Variants in ZNF100 observed in about 807,000 individuals in gnomAD.
The protein encoded by ZNF100 is zinc finger protein 100.
Under a neutral mutation model 15.8 loss-of-function variants are expected in ZNF100, and 12 were observed. The observed-to-expected ratio is 0.76, with a 90% CI of 0.49 to 1.23. The LOEUF (loss-of-function observed/expected upper bound fraction) is 1.23, where lower values mean the gene tolerates loss of function less well. Among genes scored for constraint, ZNF100 ranks in the 50% most tolerant of loss-of-function variants. The pLI is 0.00. For synonymous variants in ZNF100, 226 were observed against 214.8 expected, an observed-to-expected ratio of 1.05 and a Z score of -0.45; for missense variants, 670 against 635.6, an observed-to-expected ratio of 1.05 and a Z score of -0.58.
rs1286998820 is a variant in ZNF100, at chr19:21,723,796, A to G, written c.*2887T>C. On this transcript the variant is annotated 3_prime_UTR_variant, in exon 5 of 5. Transcript: ENST00000358296. The stretch of plus-strand genomic sequence containing the variant: ...TATAAAAACATCCTCACGACTTATA[A>G]AGCTTCCCTAGTACTTACCTGAACA... 6.6e-6 allele frequency: 1 copy of G among 152,172 alleles called. No homozygotes were observed. The highest frequency in any genetic ancestry group is 2.1e-4 in the South Asian group (1 of 4,828). The allele number at this position is 152,172 out of a possible 1,614,324, so 9.4% of individuals were successfully genotyped here. A position where few individuals can be genotyped will look rare whatever the true frequency, so the allele number is the denominator to read the frequency against.
chr19:21,740,572 C>T (rs116345357), intron 4 of ZNF100, among the ~76,000 whole-genome samples: 2,913 of 152,048 alleles, frequency 0.019, 93 homozygotes, highest in African/African-American at 0.064. Flanking sequence ...AGTTAATATT[C>T]GGGCCAGGTG....
chr19:21,766,084 G>A (rs1208032824), intron 1 of ZNF100, among the ~76,000 whole-genome samples: 1 of 151,966 alleles, frequency 6.6e-6, no homozygotes, highest in Non-Finnish European at 1.5e-5. Context: ...ATTTACAAGC[G>A]GATAACACAT....
At chr19:21,746,145 T>C (rs1364368455) in intron 2 of ZNF100, among the ~76,000 whole-genome samples, 1 of 152,330 alleles carries the variant, frequency 6.6e-6, no homozygotes, top group Non-Finnish European at 1.5e-5. Context: ...TCAACCATAG[T>C]AGGACGAATT....
chr19:21,767,565 G>A lies in ZNF100; in HGVS notation c.-136C>T. The A allele has an allele frequency of 1.4e-6, 2 of 1,384,988 alleles. No individual in the cohort carries two copies. The highest frequency in any genetic ancestry group is 9.9e-7 in the Non-Finnish European group (1 of 1,012,444). 85.8% of individuals were successfully genotyped at this position (1,384,988 alleles called of 1,614,324 possible). A position where few individuals can be genotyped will look rare whatever the true frequency, so the allele number is the denominator to read the frequency against. Reference sequence around the variant, plus strand: ...AGCAAAACCTGGAGCTCCGGCTACAGCGAGAGACAAAGACCCCGCCAAACC... The same window carrying A: ...AGCAAAACCTGGAGCTCCGGCTACAACGAGAGACAAAGACCCCGCCAAACC... On this transcript the variant is annotated 5_prime_UTR_variant, in exon 1 of 5. Coordinates refer to ENST00000358296, the MANE Select transcript of ZNF100 (RefSeq NM_173531.4).
chr19:21,742,302 CAAA>C (rs35299156), intron 4 of ZNF100, among the ~76,000 whole-genome samples: 7 of 65,698 alleles, frequency 1.1e-4, no homozygotes, highest in Non-Finnish European at 6.5e-5. Flanking sequence ...GTCCCCCACC[CAAA>C]AAAAAAAAAA....
intron 2 of ZNF100, among the ~76,000 whole-genome samples, chr19:21,761,557 G>A (rs1209276629): frequency 6.6e-6 from 1 of 152,106 alleles, no homozygotes; most frequent in Admixed American, 6.6e-5. Context: ...TCTTATCTGA[G>A]ATTCCTTTTA....
chr19:21,747,550 T>C (rs570683279), intron 2 of ZNF100, among the ~76,000 whole-genome samples: 1 of 152,020 alleles, frequency 6.6e-6, no homozygotes, highest in South Asian at 2.1e-4. Flanking sequence ...CCAATGCTGA[T>C]GTTGCTCCCC....
rs368623097 is a variant in ZNF100, at chr19:21,748,472, T to C, written c.97-3405A>G. 1.1e-4 allele frequency among the ~76,000 whole-genome samples: 16 copies of C among 152,348 alleles called. 1 individual carries two copies. In the East Asian group the frequency reaches 1.7e-3, roughly 17 times the overall value. ...AGAAAAACTTAAATCCTAGAGTTTA[T>C]GTAACTTTAATCTATTTTTGCCACT... On this transcript the variant is annotated intron_variant, in intron 2 of 4. Transcript: ENST00000358296.
chr19:21,767,206 G>C (rs897189254), intron 1 of ZNF100, among the ~76,000 whole-genome samples: 1 of 152,190 alleles, frequency 6.6e-6, no homozygotes, highest in African/African-American at 2.4e-5. Context: ...GAGGGCTCCA[G>C]GCCAAGGCAC....
At chr19:21,735,752 T>A (rs926510994) in intron 4 of ZNF100, among the ~76,000 whole-genome samples, 7 of 152,052 alleles carry the variant, frequency 4.6e-5, no homozygotes, top group Non-Finnish European at 7.4e-5. Context: ...GCTAAAGGGA[T>A]CAATTCAAGG....
intron 4 of ZNF100, among the ~76,000 whole-genome samples, chr19:21,740,298 C>T (rs555058695): frequency 2.0e-5 from 3 of 151,938 alleles, no homozygotes; most frequent in Admixed American, 2.0e-4. Flanking sequence ...TTCCTTGAAC[C>T]GTATATAAAA....
chr19:21,765,850 G>C (rs904240982), intron 1 of ZNF100, 64 bp from the exon 2 acceptor site: 1 of 1,502,906 alleles, frequency 6.7e-7, no homozygotes, highest in Non-Finnish European at 9.3e-7. Context: ...GAACCATGGC[G>C]GATATCTCGG....
chr19:21,727,588 A>C lies in ZNF100; in HGVS notation c.724T>G (p.Phe242Val), dbSNP rs770244846. 6.2e-7 allele frequency: 1 copy of C among 1,613,264 alleles called. No homozygotes were observed. Among genetic ancestry groups the C allele is most frequent in the Non-Finnish European group, 8.5e-7 (1 of 1,179,662 alleles). Residue 242 changes from phenylalanine to valine, a missense_variant, in exon 5 of 5, where the codon TTC becomes GTC. Physicochemically the swap from Phe to Val is conservative, Grantham distance 50. Transcript: ENST00000358296. ...SYQCKDCGKA[F>V]NWFSTLTTHR... The stretch of plus-strand genomic sequence containing the variant: ...GTAGTAAGGGTTGAGAACCAGTTGA[A>C]GGCTTTGCCACAATCTTTACATTGG...
In ZNF100 at chr19:21,724,705, A is replaced by G. The variant is rs1301792190; in HGVS notation, c.*1978T>C. 6.6e-6 allele frequency: 1 copy of G among 152,202 alleles called. No homozygotes were observed. The highest frequency in any genetic ancestry group is 6.5e-5 in the Admixed American group (1 of 15,274). 9.4% of individuals were successfully genotyped at this position (152,202 alleles called of 1,614,324 possible). The stretch of plus-strand genomic sequence containing the variant: ...ATCAAAATATGCCATATATTGCATG[A>G]ATATATACTCATATTATGTACCCCA... On this transcript the variant is annotated 3_prime_UTR_variant, in exon 5 of 5. Transcript: ENST00000358296.
rs1343912474 is a variant in ZNF100 at position 21,725,033 on chromosome 19, A to C, written c.*1650T>G. 2.6e-5 allele frequency: 4 copies of C among 152,238 alleles called. No homozygotes were observed. Among genetic ancestry groups the C allele is most frequent in the Non-Finnish European group, 5.9e-5 (4 of 68,064 alleles). The allele number at this position is 152,238 out of a possible 1,614,324, so 9.4% of individuals were successfully genotyped here. On this transcript the variant is annotated 3_prime_UTR_variant, in exon 5 of 5. Transcript: ENST00000358296. ...GCCACTGCACTCCAGCCTGGGTGAC[A>C]GAGCAAGACTACCTCTCAAAAATAA...
At chr19:21,729,856 T>C (rs1180218496) in intron 4 of ZNF100, among the ~76,000 whole-genome samples, 2 of 151,822 alleles carry the variant, frequency 1.3e-5, no homozygotes, top group Non-Finnish European at 2.9e-5. Flanking sequence ...AGGGGAGAAG[T>C]AATGAGAAAA....
intron 2 of ZNF100, chr19:21,752,897 C>G (rs1001353248): frequency 6.6e-6 from 1 of 152,062 alleles, no homozygotes; most frequent in African/African-American, 2.4e-5. Flanking sequence ...GGCTGTTCAC[C>G]AGTGCAGTCA....
chr19:21,745,458 T>C (rs1005939323), intron 2 of ZNF100, among the ~76,000 whole-genome samples: 7 of 152,076 alleles, frequency 4.6e-5, no homozygotes, highest in African/African-American at 1.7e-4. Context: ...AAACTGGAAA[T>C]CTTGTGCAGA....
intron 4 of ZNF100, among the ~76,000 whole-genome samples, chr19:21,737,139 G>C (rs772866241): frequency 6.6e-6 from 1 of 151,738 alleles, no homozygotes; most frequent in African/African-American, 2.4e-5. Context: ...AAAAGAGATA[G>C]ACCACTAGCT....
Sources: allele counts gnomAD v4.1 joint callset (sites outside exome capture counted in the v4.1 genomes callset), GRCh38; gene constraint gnomAD v4.1.1; transcripts MANE v1.5; gene names NCBI Gene and HGNC (gene_info 2026-07-23, HGNC 2026-07-21).